ADCY8: variants seen among roughly 807,000 people sequenced by gnomAD.
ADCY8 encodes adenylate cyclase type 8.
In ADCY8, 51 loss-of-function variants were observed where a neutral mutation model predicts 119.7. The observed-to-expected ratio is 0.43, with a 90% CI of 0.34 to 0.54. ADCY8 has a LOEUF of 0.54. Ranked by LOEUF, ADCY8 falls within the 20% of genes least tolerant of loss-of-function variation. ADCY8 has a pLI of 0.03. For synonymous variants in ADCY8, 665 were observed against 651.0 expected (o/e 1.02, Z -0.33); for missense variants, 1,383 against 1,598.8 (o/e 0.87, Z 2.30).
intron 9 of ADCY8, among the ~76,000 whole-genome samples, chr8:130,853,053 C>A (rs897601483): frequency 1.3e-5 from 2 of 152,234 alleles, no homozygotes; most frequent in African/African-American, 4.8e-5. Context: ...CTCACTATAT[C>A]TCTCCAAGGA....
intron 1 of ADCY8, among the ~76,000 whole-genome samples, chr8:131,022,106 G>A (rs556317550): frequency 5.9e-5 from 9 of 151,622 alleles, no homozygotes; most frequent in Admixed American, 5.9e-4. Flanking sequence ...TTTCCATTTG[G>A]TGTGCACACC....
At position 131,039,974 on chromosome 8, in the gene ADCY8, G is replaced by A. The variant is rs780194602; in HGVS notation, c.360C>T (p.Gly120=). The change falls in exon 1 of 18, where the codon GGC becomes GGT. Residue 120 remains glycine (G), a synonymous_variant. Transcript: ENST00000286355. ...PERSGSGSAS[G]SGGGGDLGFL... ...AGCCCAGGTCGCCCCCGCCTCCGCT[G>A]CCGCTGGCACTGCCGCTCCCGCTGC... is the stretch of plus-strand genomic sequence containing the variant. 1.5e-5 allele frequency: 23 copies of A among 1,582,014 alleles called. No individual in the cohort carries two copies. The East Asian group carries it at 5.1e-4, about 35-fold the overall frequency.
At chr8:130,920,470 T>G (rs1374953263) in intron 5 of ADCY8, among the ~76,000 whole-genome samples, 1 of 152,218 alleles carries the variant, frequency 6.6e-6, no homozygotes, top group East Asian at 1.9e-4. Flanking sequence ...CCCACAAACC[T>G]CTAAAGGCTC....
chr8:130,863,775 C>T (rs1180789654), intron 9 of ADCY8, among the ~76,000 whole-genome samples: 2 of 152,106 alleles, frequency 1.3e-5, no homozygotes, highest in South Asian at 2.1e-4. Context: ...TCCCTTGTGA[C>T]ATTGCTATTG....
At chr8:130,894,370 C>A (rs11784445) in intron 7 of ADCY8, among the ~76,000 whole-genome samples, 7 of 151,912 alleles carry the variant, frequency 4.6e-5, no homozygotes, top group Non-Finnish European at 2.9e-5. Context: ...TATTATCCCG[C>A]GTGTTTATTT....
intron 15 of ADCY8, among the ~76,000 whole-genome samples, chr8:130,793,343 G>T (rs1260098447): frequency 3.3e-5 from 5 of 152,114 alleles, no homozygotes; most frequent in African/African-American, 1.2e-4. Context: ...AACTTTTAGT[G>T]CCAACACCAG....
At chr8:131,007,988 G>A (rs1003503182) in intron 1 of ADCY8, among the ~76,000 whole-genome samples, 1 of 152,182 alleles carries the variant, frequency 6.6e-6, no homozygotes, top group Non-Finnish European at 1.5e-5. Context: ...CACATAGTCA[G>A]CCAATGAGGT....
chr8:130,786,454 A>G (rs188359081), intron 15 of ADCY8, among the ~76,000 whole-genome samples: 5 of 152,298 alleles, frequency 3.3e-5, no homozygotes, highest in Non-Finnish European at 7.4e-5. Flanking sequence ...GAACCTGTGC[A>G]TATGTCAGGT....
In ADCY8 at chr8:131,040,021, C is replaced by G. The variant is rs910572357; in HGVS notation, c.313G>C (p.Gly105Arg). The change falls in exon 1 of 18, where the codon GGC becomes CGC. Residue 105 changes from glycine to arginine, a missense_variant. Gly to Arg is a moderately radical substitution (Grantham distance 125, BLOSUM62 -2). This residue lies in a region of ADCY8 where 455 missense variants were observed against 435.3 expected (regional missense o/e 1.05). Transcript: ENST00000286355. ...GPGERAHSTCGTKVFPERSGS... is the reference protein window; with the variant it reads ...GPGERAHSTCRTKVFPERSGS... ...CTGCGTTCCGGGAAGACTTTGGTGC[C>G]GCAGGTGCTGTGCGCTCGCTCTCCC... 1.9e-6 allele frequency: 3 copies of G among 1,556,216 alleles called. No individual in the cohort carries two copies. The African/African-American group carries it at 4.1e-5, about 21-fold the overall frequency.
intron 3 of ADCY8, among the ~76,000 whole-genome samples, chr8:130,946,409 C>G (rs1040042369): frequency 1.4e-4 from 21 of 152,132 alleles, no homozygotes; most frequent in African/African-American, 5.1e-4. Flanking sequence ...ACATGCTATG[C>G]CTGCTCCCTG....
intron 3 of ADCY8, among the ~76,000 whole-genome samples, chr8:130,948,684 A>G (rs1288985476): frequency 6.6e-6 from 1 of 151,238 alleles, no homozygotes; most frequent in Non-Finnish European, 1.5e-5. Flanking sequence ...AGAAAAAATA[A>G]TGCACCAGGC....
intron 4 of ADCY8, among the ~76,000 whole-genome samples, chr8:130,940,862 A>G (rs1214656226): frequency 6.6e-6 from 1 of 152,236 alleles, no homozygotes; most frequent in Non-Finnish European, 1.5e-5. Context: ...GAAACTGCAC[A>G]TACAGACAAT....
rs1563694448 is a variant in ADCY8, at chr8:130,854,820, TCCC to T, written c.2211-5020_2211-5018del. 4.6e-3 allele frequency among the ~76,000 whole-genome samples: 118 copies of T among 25,460 alleles called. 2 individuals are homozygous for T. Among genetic ancestry groups the T allele is most frequent in the African/African-American group, 0.016 (112 of 6,958 alleles). The allele number at this position is 25,460 out of a possible 152,430, so 16.7% of individuals were successfully genotyped here. A position where few individuals can be genotyped will look rare whatever the true frequency, so the allele number is the denominator to read the frequency against. ...TTCCCTCCGTCCCTCCCTCCCTCCC[TCCC>T]TCCCTCCCTCCCTCCCTTCCTTCCC... On this transcript the variant is annotated intron_variant, in intron 9 of 17. Coordinates refer to ENST00000286355, the MANE Select transcript of ADCY8 (RefSeq NM_001115.3).
intron 7 of ADCY8, among the ~76,000 whole-genome samples, chr8:130,885,832 C>G (rs1358001855): frequency 6.6e-6 from 1 of 152,098 alleles, no homozygotes; most frequent in Non-Finnish European, 1.5e-5. Context: ...ATTTGCTTTT[C>G]TCTGCCAGCC....
chr8:131,000,006 G>A (rs866163713), intron 1 of ADCY8, among the ~76,000 whole-genome samples: 4 of 152,276 alleles, frequency 2.6e-5, no homozygotes, highest in Middle Eastern at 3.4e-3. Flanking sequence ...TAACAAGTAT[G>A]ACTTACTTTA....
At chr8:131,017,061 G>A (rs1823496527) in intron 1 of ADCY8, among the ~76,000 whole-genome samples, 1 of 151,766 alleles carries the variant, frequency 6.6e-6, no homozygotes, top group African/African-American at 2.4e-5. Flanking sequence ...ATGTCCATTG[G>A]AATGTACATG....
At chr8:130,814,335 A>G (rs1816270803) in intron 13 of ADCY8, 108 bp from the exon 14 acceptor site, 4 of 1,163,898 alleles carry the variant, frequency 3.4e-6, no homozygotes, top group Non-Finnish European at 4.8e-6. Flanking sequence ...CTCTTCACAA[A>G]TGAAACAGAG....
intron 5 of ADCY8, among the ~76,000 whole-genome samples, chr8:130,913,043 A>G (rs1020277020): frequency 1.3e-5 from 2 of 152,154 alleles, no homozygotes; most frequent in Non-Finnish European, 2.9e-5. Context: ...TCCTCCCTGC[A>G]TAATTTTTTA....
At chr8:130,788,774 A>G (rs1815336363) in intron 15 of ADCY8, among the ~76,000 whole-genome samples, 2 of 152,142 alleles carry the variant, frequency 1.3e-5, no homozygotes, top group Admixed American at 6.6e-5. Flanking sequence ...GTCAATTAAA[A>G]TAAAACTTTA....
Sources: gnomAD v4.1 joint callset for allele counts (sites outside exome capture counted in the v4.1 genomes callset) on GRCh38, gnomAD v4.1.1 for gene constraint, gnomAD v4.1.1 regional missense constraint, MANE v1.5 for transcripts, NCBI Gene and HGNC (gene_info 2026-07-23, HGNC 2026-07-21) for gene names.